The following DPP6 variants were observed in gnomAD, a reference collection of about 807,000 sequenced individuals.
The protein encoded by DPP6 is A-type potassium channel modulatory protein DPP6.
In DPP6, 69 loss-of-function variants were observed where a neutral mutation model predicts 122.6. The ratio of observed to expected loss-of-function variants is 0.56; its 90% CI spans 0.46 to 0.69. DPP6 has a LOEUF of 0.69. Among genes scored for constraint, DPP6 ranks in the 30% least tolerant of loss-of-function variants. DPP6 has a pLI of 0.00. For missense variants in DPP6, 928 were observed against 1,116.9 expected (o/e 0.83, Z 2.41); for synonymous variants, 418 against 433.1 (o/e 0.97, Z 0.43).
intron 8 of DPP6, among the ~76,000 whole-genome samples, chr7:154,756,186 T>A (rs1843657129): frequency 6.6e-6 from 1 of 152,142 alleles, no homozygotes; most frequent in African/African-American, 2.4e-5. Context: ...GTGAGGTAAC[T>A]CTGTCAGTAG....
chr7:154,664,875 G>T (rs1838049945), intron 6 of DPP6, among the ~76,000 whole-genome samples: 1 of 152,162 alleles, frequency 6.6e-6, no homozygotes, highest in Non-Finnish European at 1.5e-5. Flanking sequence ...CACTCCTAGT[G>T]ATAGCATATT....
intron 3 of DPP6, among the ~76,000 whole-genome samples, chr7:154,533,689 AATATTAACACATAAAAATC>A (rs1828021428): frequency 6.6e-6 from 1 of 152,294 alleles, no homozygotes; most frequent in East Asian, 1.9e-4. Context: ...TGCCTGGCAA[AATATTAACACATAAAAATC>A]AACAATAGGC....
At chr7:153,958,118 C>G (rs1335277728) in intron 1 of DPP6, among the ~76,000 whole-genome samples, 2 of 152,052 alleles carry the variant, frequency 1.3e-5, no homozygotes, top group Non-Finnish European at 2.9e-5. Flanking sequence ...GAGCTGAGAT[C>G]ACACCACTGC....
At chr7:154,560,825 G>A (rs904745175) in intron 4 of DPP6, among the ~76,000 whole-genome samples, 9 of 151,234 alleles carry the variant, frequency 6.0e-5, no homozygotes, top group African/African-American at 1.9e-4. Context: ...AGAGGTTGCC[G>A]TGAACTGAGA....
intron 1 of DPP6, among the ~76,000 whole-genome samples, chr7:154,439,453 T>C (rs747630535): frequency 8.5e-5 from 13 of 152,190 alleles, no homozygotes; most frequent in Non-Finnish European, 1.5e-4. Flanking sequence ...CTTTTGGAAA[T>C]ATATAGAACA....
intron 1 of DPP6, among the ~76,000 whole-genome samples, chr7:154,249,961 G>A (rs908507757): frequency 4.6e-5 from 7 of 152,134 alleles, no homozygotes; most frequent in Non-Finnish European, 7.3e-5. Flanking sequence ...TACCACACCC[G>A]GGGCCTGGTA....
intron 1 of DPP6, among the ~76,000 whole-genome samples, chr7:154,019,987 T>A (rs1407165431): frequency 1.3e-5 from 2 of 152,098 alleles, no homozygotes; most frequent in East Asian, 3.9e-4. Context: ...TCACGTGGAA[T>A]CTCACCCCAT....
At chr7:154,167,700 A>G (rs1158683795) in intron 1 of DPP6, among the ~76,000 whole-genome samples, 1 of 152,230 alleles carries the variant, frequency 6.6e-6, no homozygotes, top group Non-Finnish European at 1.5e-5. Flanking sequence ...GTTTTATAAC[A>G]TTAGCTGTGT....
At chr7:153,858,161 AAGAG>A in the DPP6 span, among the ~76,000 whole-genome samples, 1 of 152,120 alleles carries the variant, frequency 6.6e-6, no homozygotes, top group African/African-American at 2.4e-5. Context: ...TCAAAATGAC[AAGAG>A]AGTTTTCTTT....
At chr7:153,755,024 C>T in the DPP6 span, among the ~76,000 whole-genome samples, 1 of 151,448 alleles carries the variant, frequency 6.6e-6, no homozygotes, top group Non-Finnish European at 1.5e-5. Context: ...TCTGTGTTGA[C>T]TGTATTTTCT....
At position 153,990,223 on chromosome 7, in the gene DPP6, C is replaced by T. The variant is rs1407144839; in HGVS notation, c.51+102489C>T. 4.4e-5 allele frequency among the ~76,000 whole-genome samples: 4 copies of T among 90,426 alleles called. No homozygotes were observed. In the East Asian group the frequency reaches 9.4e-4, roughly 21 times the overall value. 59.3% of individuals were successfully genotyped at this position (90,426 alleles called of 152,430 possible). A position where few individuals can be genotyped will look rare whatever the true frequency, so the allele number is the denominator to read the frequency against. ...AGTGAATCTCTTAGTAAGCCCCACC[C>T]TCTTCCAGCCCCACCCTCAGGCAGC... On this transcript the variant is annotated intron_variant, in intron 1 of 25. Transcript: ENST00000404039.
intron 1 of DPP6, among the ~76,000 whole-genome samples, chr7:154,009,035 T>G (rs1446425496): frequency 8.1e-6 from 1 of 124,156 alleles, no homozygotes; most frequent in Non-Finnish European, 1.7e-5. Context: ...TAGTCTCCAT[T>G]GTTGTTCTCT....
intron 6 of DPP6, among the ~76,000 whole-genome samples, chr7:154,668,314 G>A (rs544251171): frequency 5.7e-4 from 84 of 147,738 alleles, no homozygotes; most frequent in African/African-American, 1.8e-3. Context: ...TCTGCCTCCC[G>A]GGTTCACGCC....
chr7:154,646,063 T>TATTCATG (rs1836462335), intron 6 of DPP6, among the ~76,000 whole-genome samples: 1 of 138,798 alleles, frequency 7.2e-6, no homozygotes, highest in African/African-American at 2.6e-5. Context: ...CTGAGGGCTC[T>TATTCATG]ATTCATGGTG....
At chr7:154,512,097 A>T (rs1482675772) in intron 3 of DPP6, among the ~76,000 whole-genome samples, 1 of 152,220 alleles carries the variant, frequency 6.6e-6, no homozygotes, top group African/African-American at 2.4e-5. Flanking sequence ...TTCCTCTAAA[A>T]TCATGGCACT....
At chr7:154,632,309 G>A (rs549241596) in intron 5 of DPP6, among the ~76,000 whole-genome samples, 42 of 152,214 alleles carry the variant, frequency 2.8e-4, no homozygotes, top group Non-Finnish European at 5.7e-4. Flanking sequence ...TTGTAGGAGA[G>A]GAAGGATGGA....
chr7:154,372,526 C>G (rs6946218), intron 1 of DPP6, among the ~76,000 whole-genome samples: 8,536 of 152,230 alleles, frequency 0.056, 766 homozygotes, highest in African/African-American at 0.19. Context: ...ACAGCATCAC[C>G]CTTGTGCCTT....
At chr7:154,352,388 G>A (rs1362838002) in intron 1 of DPP6, among the ~76,000 whole-genome samples, 4 of 151,978 alleles carry the variant, frequency 2.6e-5, no homozygotes, top group African/African-American at 7.2e-5. Flanking sequence ...GCCAGAACCC[G>A]GGAGGCGGAG....
intron 1 of DPP6, among the ~76,000 whole-genome samples, chr7:154,140,948 A>G (rs1005876490): frequency 4.6e-5 from 7 of 152,192 alleles, no homozygotes; most frequent in African/African-American, 9.7e-5. Context: ...AGTCTTTTCT[A>G]TGTAGAAGTC....
Sources: gnomAD v4.1 joint callset for allele counts (sites outside exome capture counted in the v4.1 genomes callset) on GRCh38, gnomAD v4.1.1 for gene constraint, MANE v1.5 for transcripts, NCBI Gene and HGNC (gene_info 2026-07-23, HGNC 2026-07-21) for gene names.